The following LINGO2 variants were observed in gnomAD, a reference collection of about 807,000 sequenced individuals.
The protein encoded by LINGO2 is leucine rich repeat and Ig domain containing 2.
Under a neutral mutation model 30.6 loss-of-function variants are expected in LINGO2, and 14 were observed. That is an observed-to-expected ratio of 0.46 (90% confidence interval 0.30 to 0.72). The LOEUF is 0.72. Among genes scored for constraint, LINGO2 ranks in the 30% least tolerant of loss-of-function variants. The probability of loss-of-function intolerance (pLI) is 0.07; values close to 1 mark genes in which losing one functional copy is unlikely to be tolerated. For synonymous variants in LINGO2, 317 were observed against 288.5 expected (o/e 1.10, Z -1.00); for missense variants, 729 against 751.7 (o/e 0.97, Z 0.35).
At chr9:28,007,984 G>A (rs771149400) in intron 5 of LINGO2, among the ~76,000 whole-genome samples, 12 of 152,120 alleles carry the variant, frequency 7.9e-5, no homozygotes, top group Non-Finnish European at 1.5e-4. Context: ...ATCTTCCGCC[G>A]AGCTTAGATG....
the LINGO2 span, among the ~76,000 whole-genome samples, chr9:28,724,801 T>TG: frequency 6.6e-6 from 1 of 152,092 alleles, no homozygotes; most frequent in Admixed American, 6.6e-5. Flanking sequence ...TTCATAAGTT[T>TG]GGGGGTCATC....
chr9:28,380,360 G>C (rs1035959012), intron 2 of LINGO2, among the ~76,000 whole-genome samples: 2 of 149,370 alleles, frequency 1.3e-5, no homozygotes, highest in African/African-American at 4.9e-5. Flanking sequence ...TCGTAGAGGG[G>C]AGTAAATCAT....
At chr9:28,658,289 G>T (rs893882678) in intron 1 of LINGO2, among the ~76,000 whole-genome samples, 9 of 151,986 alleles carry the variant, frequency 5.9e-5, no homozygotes, top group African/African-American at 2.2e-4. Flanking sequence ...CAAGTCCTGT[G>T]TTTCTCTGAT....
At chr9:28,898,857 T>C in the LINGO2 span, among the ~76,000 whole-genome samples, 1 of 152,052 alleles carries the variant, frequency 6.6e-6, no homozygotes, top group African/African-American at 2.4e-5. Context: ...AATCTGTACC[T>C]CAAACCCCCA....
At chr9:28,416,012 T>C (rs1273776221) in intron 2 of LINGO2, among the ~76,000 whole-genome samples, 1 of 152,162 alleles carries the variant, frequency 6.6e-6, no homozygotes, top group African/African-American at 2.4e-5. Context: ...TGAACAAAAT[T>C]ATTTCCATTT....
chr9:28,090,803 T>C (rs1245266249), intron 4 of LINGO2, among the ~76,000 whole-genome samples: 3 of 152,200 alleles, frequency 2.0e-5, no homozygotes, highest in Non-Finnish European at 4.4e-5. Context: ...CATGATTGTA[T>C]ATCAGAAAAC....
the LINGO2 span, among the ~76,000 whole-genome samples, chr9:29,023,086 G>A: frequency 6.6e-6 from 1 of 151,948 alleles, no homozygotes; most frequent in Admixed American, 6.6e-5. Context: ...GGCTCACTAA[G>A]TATCCAACAG....
At chr9:28,539,401 C>T (rs1821579241) in intron 1 of LINGO2, among the ~76,000 whole-genome samples, 1 of 151,992 alleles carries the variant, frequency 6.6e-6, no homozygotes. Context: ...TAATACAATT[C>T]TCTTCATATA....
rs10527878 is a variant in LINGO2, at chr9:28,664,996, C to CATATATATATATATATAT, written c.-365+5186_-365+5203dup. Among the ~76,000 whole-genome samples, 23 of 96,270 alleles carry CATATATATATATATATAT rather than the reference C, an allele frequency of 2.4e-4. 1 individual carries two copies. The highest frequency in any genetic ancestry group is 4.3e-4 in the Non-Finnish European group (19 of 43,976). 63.2% of individuals were successfully genotyped at this position (96,270 alleles called of 152,430 possible). A position where few individuals can be genotyped will look rare whatever the true frequency, so the allele number is the denominator to read the frequency against. ...TCTGTATTATTTATGTATGTGTTTA[C>CATATATATATATATATAT]ATATATATATATATATATATATATA... is the stretch of plus-strand genomic sequence containing the variant. On this transcript the variant is annotated intron_variant, in intron 1 of 5. Coordinates refer to ENST00000379992, the Ensembl canonical transcript of LINGO2.
intron 4 of LINGO2, among the ~76,000 whole-genome samples, chr9:28,195,289 G>T (rs1322043700): frequency 1.3e-5 from 2 of 151,442 alleles, no homozygotes; most frequent in Admixed American, 6.6e-5. Context: ...ATGGGGATTA[G>T]GTCCTCTCTA....
the LINGO2 span, among the ~76,000 whole-genome samples, chr9:28,701,252 A>T: frequency 2.6e-5 from 4 of 151,878 alleles, no homozygotes; most frequent in South Asian, 4.1e-4. Context: ...TATATAAATG[A>T]TCTCCTATGT....
chr9:28,068,814 A>G (rs1399771949), intron 4 of LINGO2, among the ~76,000 whole-genome samples: 1 of 152,140 alleles, frequency 6.6e-6, no homozygotes, highest in Non-Finnish European at 1.5e-5. Context: ...TCCATATACA[A>G]TGCAACAAGG....
chr9:28,021,816 G>T (rs1823139954), intron 4 of LINGO2, among the ~76,000 whole-genome samples: 1 of 151,872 alleles, frequency 6.6e-6, no homozygotes. Flanking sequence ...ATTAGTAGGA[G>T]CACAGTAAAA....
At chr9:28,852,072 C>G in the LINGO2 span, among the ~76,000 whole-genome samples, 1 of 151,808 alleles carries the variant, frequency 6.6e-6, no homozygotes, top group East Asian at 1.9e-4. Flanking sequence ...GATAAAAGTA[C>G]CTGTACAACA....
the LINGO2 span, among the ~76,000 whole-genome samples, chr9:28,929,245 T>TA: frequency 6.6e-6 from 1 of 152,212 alleles, no homozygotes; most frequent in Admixed American, 6.5e-5. Context: ...TGAGTTTACT[T>TA]AGAGACTCAG....
intron 4 of LINGO2, among the ~76,000 whole-genome samples, chr9:28,126,133 A>G (rs1483193491): frequency 6.6e-6 from 1 of 152,162 alleles, no homozygotes; most frequent in African/African-American, 2.4e-5. Context: ...TAATTCCTCA[A>G]CATAATTTTT....
the LINGO2 span, among the ~76,000 whole-genome samples, chr9:28,876,321 A>G: frequency 2.0e-5 from 3 of 152,006 alleles, no homozygotes; most frequent in East Asian, 5.8e-4. Flanking sequence ...ACATATGTAT[A>G]CATGTGCCAT....
chr9:28,658,767 A>G (rs1828465262), intron 1 of LINGO2, among the ~76,000 whole-genome samples: 1 of 152,092 alleles, frequency 6.6e-6, no homozygotes, highest in African/African-American at 2.4e-5. Context: ...TGGAGTAATC[A>G]CAGCAATAGA....
intron 4 of LINGO2, among the ~76,000 whole-genome samples, chr9:28,018,780 G>A (rs1225859907): frequency 6.6e-6 from 1 of 152,116 alleles, no homozygotes; most frequent in African/African-American, 2.4e-5. Flanking sequence ...AGAACAGTGT[G>A]GTGATTTCTC....
Sources: gnomAD v4.1 joint callset for allele counts (sites outside exome capture counted in the v4.1 genomes callset) on GRCh38, gnomAD v4.1.1 for gene constraint, MANE v1.5 for transcripts, NCBI Gene and HGNC (gene_info 2026-07-23, HGNC 2026-07-21) for gene names.